The following PCDHA8 variants were observed in gnomAD, a reference collection of about 807,000 sequenced individuals.
PCDHA8 encodes protocadherin alpha 8, also known as protocadherin alpha-8.
Under a neutral mutation model 61.8 loss-of-function variants are expected in PCDHA8, and 53 were observed. The observed-to-expected ratio is 0.86, with a 90% CI of 0.69 to 1.08. The LOEUF (loss-of-function observed/expected upper bound fraction) is 1.08. Among genes scored for constraint, PCDHA8 ranks in the 50% least tolerant of loss-of-function variants. The pLI, the probability that PCDHA8 is intolerant of heterozygous loss-of-function variation, is 0.00. For synonymous variants in PCDHA8, 618 were observed against 556.6 expected (o/e 1.11, Z -1.55); for missense variants, 1,293 against 1,245.0 (o/e 1.04, Z -0.58).
At chr5:140,884,148 A>G in intron 1 of PCDHA8, 3 of 1,613,432 alleles carry the variant, frequency 1.9e-6, no homozygotes, top group Non-Finnish European at 2.5e-6. Context: ...GTGGGGCTGT[A>G]CACTGGCGAG....
chr5:140,972,919 C>T (rs1231455019), intron 1 of PCDHA8, among the ~76,000 whole-genome samples: 1 of 152,078 alleles, frequency 6.6e-6, no homozygotes, highest in African/African-American at 2.4e-5. Flanking sequence ...GCCTTGGCCT[C>T]CCAAAGTGCT....
chr5:140,911,884 C>A (rs1283685498), intron 1 of PCDHA8, among the ~76,000 whole-genome samples: 1 of 152,050 alleles, frequency 6.6e-6, no homozygotes, highest in Non-Finnish European at 1.5e-5. Flanking sequence ...CTCCTGGGAC[C>A]AAAATCTGTA....
chr5:140,989,235 T>G (rs1408596966), intron 3 of PCDHA8, among the ~76,000 whole-genome samples: 1 of 152,204 alleles, frequency 6.6e-6, no homozygotes, highest in Non-Finnish European at 1.5e-5. Context: ...AGCTGAAGTT[T>G]TAAGCCCCTT....
At chr5:140,876,945 C>T (rs1405794987) in intron 1 of PCDHA8, 2 of 1,613,474 alleles carry the variant, frequency 1.2e-6, no homozygotes, top group East Asian at 2.2e-5. Flanking sequence ...CGCTGGTGTC[C>T]TACTCGCTGG....
intron 1 of PCDHA8, chr5:140,851,871 G>A (rs2042184673): frequency 2.0e-6 from 2 of 977,226 alleles, no homozygotes; most frequent in South Asian, 9.5e-5. Context: ...CATAACACAA[G>A]GCAGAAATCT....
intron 1 of PCDHA8, chr5:140,877,422 G>T (rs781813282): frequency 6.2e-7 from 1 of 1,613,902 alleles, no homozygotes; most frequent in Non-Finnish European, 8.5e-7. Flanking sequence ...TGCTGGTGCT[G>T]GTGAAGGACC....
intron 1 of PCDHA8, chr5:140,966,628 C>G (rs944715570): frequency 7.9e-5 from 76 of 964,108 alleles, no homozygotes; most frequent in Non-Finnish European, 1.0e-4. Flanking sequence ...GGGAGCGGCC[C>G]CAGGCGCTTT....
chr5:140,946,517 G>A (rs138420578), intron 1 of PCDHA8, among the ~76,000 whole-genome samples: 8 of 151,024 alleles, frequency 5.3e-5, no homozygotes, highest in Admixed American at 1.3e-4. Flanking sequence ...AGACCTATCC[G>A]CACTCCCATG....
chr5:140,850,290 G>C (rs2150477897), intron 1 of PCDHA8: 1 of 1,595,932 alleles, frequency 6.3e-7, no homozygotes, highest in South Asian at 1.1e-5. Flanking sequence ...CGCAGTGGAC[G>C]CCGACTCGGG....
At chr5:140,961,876 T>G (rs929753490) in intron 1 of PCDHA8, among the ~76,000 whole-genome samples, 1 of 151,746 alleles carries the variant, frequency 6.6e-6, no homozygotes, top group South Asian at 2.1e-4. Context: ...ATAATTGACT[T>G]ACTTACATCA....
chr5:140,954,523 G>A (rs1368260807), intron 1 of PCDHA8, among the ~76,000 whole-genome samples: 4 of 152,186 alleles, frequency 2.6e-5, no homozygotes, highest in African/African-American at 9.6e-5. Flanking sequence ...AATGATCAGT[G>A]ATGTTGAGGT....
At chr5:140,925,923 C>CT (rs111894943) in intron 1 of PCDHA8, among the ~76,000 whole-genome samples, 7,061 of 152,174 alleles carry the variant, frequency 0.046, 290 homozygotes, top group African/African-American at 0.11. Context: ...GCAAAGCACT[C>CT]CCAAGTAGAG....
intron 1 of PCDHA8, among the ~76,000 whole-genome samples, chr5:140,917,163 G>A (rs948639951): frequency 6.6e-6 from 1 of 152,182 alleles, no homozygotes; most frequent in Admixed American, 6.5e-5. Flanking sequence ...ATATGGGAGG[G>A]GTGATGGTGG....
At position 140,841,776 on chromosome 5, in the gene PCDHA8, T is replaced by G. The variant is rs2150322536; in HGVS notation, c.455T>G (p.Phe152Cys). 1 of 1,613,906 alleles carries G rather than the reference T, an allele frequency of 6.2e-7. No homozygotes were observed. The highest frequency in any genetic ancestry group is 1.1e-5 in the South Asian group (1 of 91,076). Residue 152 changes from phenylalanine (F) to cysteine (C), a missense_variant, in exon 1 of 4, where the codon TTT (phenylalanine) becomes TGT (cysteine). Coordinates refer to ENST00000531613, the MANE Select transcript of PCDHA8 (RefSeq NM_018911.3). Reference protein sequence around the residue: ...VSESRMPDSRFPLEGASDADV... With the variant: ...VSESRMPDSRCPLEGASDADV... ...GAATCCAGAATGCCAGACTCTCGGTTTCCGCTAGAGGGCGCGTCCGATGCA... is the reference window on the plus strand; with the variant it reads ...GAATCCAGAATGCCAGACTCTCGGTGTCCGCTAGAGGGCGCGTCCGATGCA...
rs782074950 is a variant in PCDHA8, at chr5:140,851,878, A to G, written c.2394+8163A>G. On this transcript the variant is annotated intron_variant, in intron 1 of 3. Transcript: ENST00000531613. ...AGCTCATACATAACACAAGGCAGAA[A>G]TCTGGATATGAGATTTGCCTCTTTA... is the stretch of plus-strand genomic sequence containing the variant. 6.1e-6 allele frequency: 6 copies of G among 977,806 alleles called. 1 individual carries two copies. The highest frequency in any genetic ancestry group is 7.4e-6 in the Non-Finnish European group (6 of 810,298). The allele number at this position is 977,806 out of a possible 1,614,324, so 60.6% of individuals were successfully genotyped here.
intron 1 of PCDHA8, among the ~76,000 whole-genome samples, chr5:140,900,073 G>C (rs1490261769): frequency 6.6e-6 from 1 of 152,072 alleles, no homozygotes; most frequent in South Asian, 2.1e-4. Context: ...GCCTCCAAAA[G>C]TGCTGCAGTT....
chr5:140,872,999 T>C (rs534267052), intron 1 of PCDHA8, among the ~76,000 whole-genome samples: 3 of 152,296 alleles, frequency 2.0e-5, no homozygotes, highest in African/African-American at 7.2e-5. Context: ...TACTTCTGAG[T>C]CATTCTTCAT....
At chr5:140,967,291 C>T (rs782682819) in intron 1 of PCDHA8, 11 of 1,612,754 alleles carry the variant, frequency 6.8e-6, no homozygotes, top group South Asian at 1.1e-5. Context: ...CGCAGGACCC[C>T]GACGTGGGCG....
At chr5:140,877,920 C>A in intron 1 of PCDHA8, 1 of 1,422,738 alleles carries the variant, frequency 7.0e-7, no homozygotes, top group Admixed American at 2.9e-5. Flanking sequence ...TCTCATTTTT[C>A]TTTATGATTC....
Sources: gnomAD v4.1 joint callset for allele counts (sites outside exome capture counted in the v4.1 genomes callset) on GRCh38, gnomAD v4.1.1 for gene constraint, MANE v1.5 for transcripts, NCBI Gene and HGNC (gene_info 2026-07-23, HGNC 2026-07-21) for gene names.